The following ATP9B variants were observed in gnomAD, a reference collection of about 807,000 sequenced individuals.
ATP9B encodes probable phospholipid-transporting ATPase IIB.
In ATP9B, 110 loss-of-function variants were observed where a neutral mutation model predicts 146.1. The observed-to-expected ratio is 0.75, with a 90% CI of 0.65 to 0.88. The LOEUF (loss-of-function observed/expected upper bound fraction) is 0.88. Among genes scored for constraint, ATP9B ranks in the 40% least tolerant of loss-of-function variants. ATP9B has a pLI of 0.00. For synonymous variants in ATP9B, 604 were observed against 569.7 expected (o/e 1.06, Z -0.86); for missense variants, 1,499 against 1,496.4 (o/e 1.00, Z -0.03).
chr18:79,281,562 A>T (rs912156286), intron 13 of ATP9B, among the ~76,000 whole-genome samples: 1 of 152,224 alleles, frequency 6.6e-6, no homozygotes, highest in African/African-American at 2.4e-5. Context: ...ATAGATACAG[A>T]TGTATCTGAT....
At chr18:79,246,827 G>A (rs111988507) in intron 11 of ATP9B, among the ~76,000 whole-genome samples, 1 of 152,180 alleles carries the variant, frequency 6.6e-6, no homozygotes, top group Non-Finnish European at 1.5e-5. Context: ...AGCGGTGATC[G>A]GCAGTGTAGT....
intron 15 of ATP9B, among the ~76,000 whole-genome samples, chr18:79,314,064 C>G (rs542838382): frequency 6.6e-6 from 1 of 152,138 alleles, no homozygotes; most frequent in Non-Finnish European, 1.5e-5. Flanking sequence ...CATTTTTTAT[C>G]GAATAAAGTG....
chr18:79,312,099 C>T (rs946872376), intron 15 of ATP9B, among the ~76,000 whole-genome samples: 3 of 152,070 alleles, frequency 2.0e-5, no homozygotes, highest in East Asian at 1.9e-4. Context: ...TCTGCTCACG[C>T]GCCTTCGCCG....
At chr18:79,120,510 T>C (rs555844326) in intron 4 of ATP9B, among the ~76,000 whole-genome samples, 15 of 152,364 alleles carry the variant, frequency 9.8e-5, no homozygotes, top group African/African-American at 1.2e-4. Context: ...ATTTCTGTTA[T>C]ACTTCCCATA....
At chr18:79,199,309 A>G (rs1209584988) in intron 9 of ATP9B, among the ~76,000 whole-genome samples, 3 of 152,180 alleles carry the variant, frequency 2.0e-5, no homozygotes, top group South Asian at 2.1e-4. Flanking sequence ...GCCCGGCCCT[A>G]TAACTTTAAT....
chr18:79,163,863 A>G (rs2094920859), intron 7 of ATP9B, among the ~76,000 whole-genome samples: 1 of 92,416 alleles, frequency 1.1e-5, no homozygotes, highest in Admixed American at 1.0e-4. Context: ...TTCATATTTT[A>G]TTTTATACAC....
At chr18:79,077,759 TAA>T (rs1393229244) in intron 1 of ATP9B, among the ~76,000 whole-genome samples, 3 of 152,302 alleles carry the variant, frequency 2.0e-5, no homozygotes, top group Admixed American at 1.3e-4. Flanking sequence ...TGAGCCAGCA[TAA>T]GAGAGTCCTC....
rs182170203 is a variant in ATP9B at position 79,105,030 on chromosome 18, T to C, written c.294-5325T>C. Reference sequence around the variant, plus strand: ...AGCCATCTTGGCAGGCTGTAATCAGTCTATATTGGCACTAAGGAATGTCCT... The same window carrying C: ...AGCCATCTTGGCAGGCTGTAATCAGCCTATATTGGCACTAAGGAATGTCCT... On this transcript the variant is annotated intron_variant, in intron 2 of 29. Coordinates refer to ENST00000426216, the MANE Select transcript of ATP9B (RefSeq NM_198531.5). Among the ~76,000 whole-genome samples, 256 of 152,302 alleles carry C rather than the reference T, an allele frequency of 1.7e-3. 1 individual carries two copies. The highest frequency in any genetic ancestry group is 5.8e-3 in the African/African-American group (243 of 41,562).
Position 79,372,813 on chromosome 18 carries a change from C to G in ATP9B, c.3013-12C>G. The G allele has an allele frequency of 2.5e-6, 4 of 1,595,862 alleles. No individual in the cohort carries two copies. The highest frequency in any genetic ancestry group is 3.4e-6 in the Non-Finnish European group (4 of 1,163,460). On this transcript the variant is annotated splice_polypyrimidine_tract_variant and intron_variant, in intron 26 of 29. Transcript: ENST00000426216. ...TCTGCGCACTAACGACGCTCTTCCA[C>G]TGTTTCCCTAGGGAAGATCCTTGTC...
intron 11 of ATP9B, among the ~76,000 whole-genome samples, chr18:79,227,323 G>C (rs1261850847): frequency 6.8e-6 from 1 of 147,996 alleles, no homozygotes; most frequent in Non-Finnish European, 1.5e-5. Flanking sequence ...TTGCTCATGT[G>C]TATTGCCATA....
chr18:79,072,357 AC>A (rs1416785700), intron 1 of ATP9B, among the ~76,000 whole-genome samples: 1 of 152,088 alleles, frequency 6.6e-6, no homozygotes, highest in African/African-American at 2.4e-5. Context: ...ATGACTCTTA[AC>A]GAGCATGCTG....
intron 13 of ATP9B, among the ~76,000 whole-genome samples, chr18:79,291,461 A>C (rs12955458): frequency 0.18 from 27,570 of 152,230 alleles, 3,114 homozygotes; most frequent in Middle Eastern, 0.32. Flanking sequence ...CTACTACTGC[A>C]TAAGAGGTGA....
At chr18:79,142,904 TGTTA>T (rs1242208534) in intron 5 of ATP9B, among the ~76,000 whole-genome samples, 9 of 152,248 alleles carry the variant, frequency 5.9e-5, no homozygotes, top group Non-Finnish European at 8.8e-5. Flanking sequence ...ACGAGTGTGA[TGTTA>T]GTTTTTGATA....
intron 11 of ATP9B, among the ~76,000 whole-genome samples, chr18:79,253,004 C>T (rs774080169): frequency 6.6e-6 from 1 of 152,238 alleles, no homozygotes; most frequent in East Asian, 1.9e-4. Context: ...TCAGAAGTCT[C>T]TGTTCCCGGG....
chr18:79,280,108 A>G (rs1000190531), intron 13 of ATP9B, among the ~76,000 whole-genome samples: 16 of 152,264 alleles, frequency 1.1e-4, no homozygotes, highest in Non-Finnish European at 2.9e-5. Context: ...AATAGAATGG[A>G]CCAAGAAATT....
chr18:79,260,000 C>G (rs1368349367), intron 12 of ATP9B, among the ~76,000 whole-genome samples: 1 of 152,042 alleles, frequency 6.6e-6, no homozygotes, highest in African/African-American at 2.4e-5. Context: ...ACATAAAATG[C>G]TAATATTGGG....
intron 9 of ATP9B, among the ~76,000 whole-genome samples, chr18:79,200,276 ATGT>A (rs1485731947): frequency 1.3e-5 from 2 of 152,196 alleles, no homozygotes; most frequent in South Asian, 2.1e-4. Context: ...GTCTACTGAA[ATGT>A]TGTTATGTTG....
Position 79,341,655 on chromosome 18 carries a change from A to G in ATP9B, c.2284-613A>G, listed in dbSNP as rs112599570. 1.2e-3 allele frequency among the ~76,000 whole-genome samples: 127 copies of G among 102,472 alleles called. 1 individual carries two copies. Among genetic ancestry groups the G allele is most frequent in the African/African-American group, 3.9e-3 (92 of 23,392 alleles). The allele number at this position is 102,472 out of a possible 152,430, so 67.2% of individuals were successfully genotyped here. On this transcript the variant is annotated intron_variant, in intron 19 of 29. Transcript: ENST00000426216. ...GTGACCTGTTGAAGCCTGCGTTGCCAACACACCATTTAGTTGTGGTTGGAT... is the reference window on the plus strand; with the variant it reads ...GTGACCTGTTGAAGCCTGCGTTGCCGACACACCATTTAGTTGTGGTTGGAT...
At chr18:79,350,340 T>A (rs1156534938) in intron 25 of ATP9B, among the ~76,000 whole-genome samples, 2 of 152,252 alleles carry the variant, frequency 1.3e-5, no homozygotes, top group African/African-American at 4.8e-5. Context: ...TGCCTCTGTT[T>A]TAGGCCCCTG....
Sources: allele counts gnomAD v4.1 joint callset (sites outside exome capture counted in the v4.1 genomes callset), GRCh38; gene constraint gnomAD v4.1.1; transcripts MANE v1.5; gene names NCBI Gene and HGNC (gene_info 2026-07-23, HGNC 2026-07-21).